The following KCNQ2 variants were observed in gnomAD, a reference collection of about 807,000 sequenced individuals.
KCNQ2 encodes the protein potassium voltage-gated channel subfamily Q member 2, also known as potassium voltage-gated channel subfamily KQT member 2.
Under a neutral mutation model 84.8 loss-of-function variants are expected in KCNQ2, and 14 were observed. That is an observed-to-expected ratio of 0.17 (90% CI 0.11 to 0.26). The LOEUF (loss-of-function observed/expected upper bound fraction) is 0.26, where lower values mean the gene tolerates loss of function less well. Among genes scored for constraint, KCNQ2 ranks in the 10% least tolerant of loss-of-function variants. The probability of loss-of-function intolerance (pLI) is 1.00; values close to 1 mark genes in which losing one functional copy is unlikely to be tolerated. For missense variants in KCNQ2, 788 were observed against 1,254.0 expected (o/e 0.63, Z 5.61); for synonymous variants, 599 against 554.1 (o/e 1.08, Z -1.14).
intron 15 of KCNQ2, chr20:63,412,101 G>A (rs979444313): frequency 2.1e-5 from 11 of 525,410 alleles, no homozygotes; most frequent in East Asian, 1.4e-4. Flanking sequence ...AGCGGGTGGC[G>A]GGCGGCCCCA....
chr20:63,408,481 C>T lies in KCNQ2; in HGVS notation c.1819G>A (p.Gly607Ser). 6.2e-7 allele frequency: 1 copy of T among 1,608,242 alleles called. No individual in the cohort carries two copies. Among genetic ancestry groups the T allele is most frequent in the Non-Finnish European group, 8.5e-7 (1 of 1,178,270 alleles). ...TCGGGCAGCTCCGCCTCGGCCGGGC[C>T]CTTGGTGCGGTCCTTGTCCGTGATC... is the stretch of plus-strand genomic sequence containing the variant. Reference protein sequence around the residue: ...PAITDKDRTKGPAEAELPEDP... With the variant: ...PAITDKDRTKSPAEAELPEDP... Residue 607 changes from glycine (G) to serine (S), a missense_variant, in exon 16 of 17, where the codon GGC (glycine) becomes AGC (serine). Gly to Ser is a moderately conservative substitution (Grantham distance 56, BLOSUM62 0). Coordinates refer to ENST00000359125, the MANE Select transcript of KCNQ2 (RefSeq NM_172107.4). This position sits in a 1 kb window ranked among gnomAD's most constrained non-coding sequence, Gnocchi z 5.0.
intron 1 of KCNQ2, among the ~76,000 whole-genome samples, chr20:63,470,051 C>T (rs1030507429): frequency 6.6e-6 from 1 of 152,252 alleles, no homozygotes; most frequent in Non-Finnish European, 1.5e-5. Flanking sequence ...GCTGTGCCGA[C>T]GTTACCGACG....
At chr20:63,469,136 G>A (rs2082149319) in intron 1 of KCNQ2, among the ~76,000 whole-genome samples, 1 of 152,210 alleles carries the variant, frequency 6.6e-6, no homozygotes, top group Non-Finnish European at 1.5e-5. Flanking sequence ...GAGAGAGGCT[G>A]GAGCCCGGGA....
At chr20:63,440,044 TG>T (rs997339265) in intron 5 of KCNQ2, among the ~76,000 whole-genome samples, 2 of 152,078 alleles carry the variant, frequency 1.3e-5, no homozygotes, top group Admixed American at 6.5e-5. Context: ...AGAGTGCAGC[TG>T]GGGAGAAGGG....
intron 11 of KCNQ2, 105 bp downstream of exon 11, chr20:63,424,072 A>G: frequency 1.5e-6 from 2 of 1,303,940 alleles, no homozygotes; most frequent in Non-Finnish European, 2.2e-6. Context: ...ACGGAAGCAC[A>G]CACAAGGCCC....
In KCNQ2 at chr20:63,419,885, GT is replaced by G. The variant is rs139786707; in HGVS notation, c.1248-214del. Among the ~76,000 whole-genome samples, 6 of 150,130 alleles carry G rather than the reference GT, an allele frequency of 4.0e-5. No individual in the cohort carries two copies. In the South Asian group the frequency reaches 6.3e-4, roughly 16 times the overall value. On this transcript the variant is annotated intron_variant, in intron 11 of 16. Transcript: ENST00000359125. ...CTATTTCTGAAGGAAAAAAATCCCTGTTTTTTTTTTCCTCCAAAAATACCTT... is the reference window on the plus strand; with the variant it reads ...CTATTTCTGAAGGAAAAAAATCCCTGTTTTTTTTTCCTCCAAAAATACCTT...
chr20:63,406,768 G>A lies in KCNQ2; in HGVS notation c.2495C>T (p.Pro832Leu), dbSNP rs1337261092. Residue 832 changes from proline to leucine, a missense_variant, in exon 17 of 17, where the codon CCC becomes CTC. Physicochemically the swap from Pro to Leu is moderately conservative, Grantham distance 98. Coordinates refer to ENST00000359125, the MANE Select transcript of KCNQ2 (RefSeq NM_172107.4). ...AAVAPCAKVR[P>L]YIAEGESDTD... ...GTCTGACTCTCCCTCCGCAATGTAG[G>A]GCCTGACTTTGGCACAAGGCGCCAC... is the stretch of plus-strand genomic sequence containing the variant. 3.1e-6 allele frequency: 5 copies of A among 1,612,512 alleles called. No individual in the cohort carries two copies. The highest frequency in any genetic ancestry group is 2.2e-5 in the East Asian group (1 of 44,868).
rs1423099274 is a variant in KCNQ2, at chr20:63,438,858, C to CA, written c.928-139dup. On this transcript the variant is annotated intron_variant, in intron 6 of 16. Transcript: ENST00000359125. The surrounding 1 kb of genome is among the most constrained non-coding windows in gnomAD (Gnocchi z 5.1). ...ACACTCCAGAGACTCACACACCCCC[C>CA]AATTCATCAGGGTCAGACCACGCCC... 1 of 693,308 alleles carries CA rather than the reference C, an allele frequency of 1.4e-6. No individual in the cohort carries two copies. Among genetic ancestry groups the CA allele is most frequent in the African/African-American group, 1.8e-5 (1 of 56,376 alleles). The allele number at this position is 693,308 out of a possible 1,614,324, so 42.9% of individuals were successfully genotyped here. A position where few individuals can be genotyped will look rare whatever the true frequency, so the allele number is the denominator to read the frequency against.
intron 9 of KCNQ2, 132 bp downstream of exon 9, chr20:63,431,208 C>G (rs560617387): frequency 4.7e-6 from 5 of 1,054,806 alleles, no homozygotes; most frequent in Non-Finnish European, 7.4e-6. Context: ...TAGGGATGCT[C>G]GGTGGGCAGG....
chr20:63,440,169 G>A (rs1299556645), intron 5 of KCNQ2, among the ~76,000 whole-genome samples: 2 of 152,176 alleles, frequency 1.3e-5, no homozygotes, highest in African/African-American at 4.8e-5. Context: ...ACAAGAGGCG[G>A]GGGAGTGGTC....
chr20:63,430,847 T>C (rs1600721165), intron 9 of KCNQ2, among the ~76,000 whole-genome samples: 1 of 152,120 alleles, frequency 6.6e-6, no homozygotes, highest in Admixed American at 6.5e-5. Context: ...TGAGCCACGG[T>C]GGGACAAGGA....
In KCNQ2 at chr20:63,404,559, G is replaced by A. The variant is rs1414662347; in HGVS notation, c.*2085C>T. ...CTGGGGACACGGGGAGCGGTGGCCG[G>A]GGCTGGTGCTGCGTTGGGTGGGACG... On this transcript the variant is annotated 3_prime_UTR_variant, in exon 17 of 17. Transcript: ENST00000359125. 1 of 152,444 alleles carries A rather than the reference G, an allele frequency of 6.6e-6. No homozygotes were observed. The highest frequency in any genetic ancestry group is 1.5e-5 in the Non-Finnish European group (1 of 68,228). 9.4% of individuals were successfully genotyped at this position (152,444 alleles called of 1,614,324 possible).
chr20:63,471,654 T>TGGGAGGGCCCCTCCCC (rs1412466562), intron 1 of KCNQ2: 1 of 152,734 alleles, frequency 6.5e-6, no homozygotes, highest in Non-Finnish European at 1.5e-5. Flanking sequence ...GGGGGGGTCA[T>TGGGAGGGCCCCTCCCC]GGGAGGGCCC....
At chr20:63,467,104 G>A (rs2082101398) in intron 1 of KCNQ2, among the ~76,000 whole-genome samples, 1 of 152,192 alleles carries the variant, frequency 6.6e-6, no homozygotes, top group Admixed American at 6.5e-5. Context: ...CCTTTAACAG[G>A]ACACGGCCTG....
In KCNQ2 at chr20:63,414,468, C is replaced by T. The variant is rs1253823929; in HGVS notation, c.1526-275G>A. ...ATGGATGAACAGAACATGGCGCATC[C>T]ACGCACAGATGTTAACGGCGGAAGG... On this transcript the variant is annotated intron_variant, in intron 13 of 16. Coordinates refer to ENST00000359125, the MANE Select transcript of KCNQ2 (RefSeq NM_172107.4). The surrounding 1 kb of genome is among the most constrained non-coding windows in gnomAD (Gnocchi z 6.6). Among the ~76,000 whole-genome samples, 1 of 152,140 alleles carries T rather than the reference C, an allele frequency of 6.6e-6. No homozygotes were observed. The highest frequency in any genetic ancestry group is 1.5e-5 in the Non-Finnish European group (1 of 68,038).
In KCNQ2 at chr20:63,439,652, C is replaced by T; in HGVS notation, c.873G>A (p.Arg291=). ...GDKYPQTWNG[R]LLAATFTLIG... is the part of the protein sequence containing the mutation. ...TGAGGGTGAAGGTTGCCGCAAGGAG[C>T]CTGCCGTTCCAGGTCTGGGGGTACT... The change falls in exon 6 of 17, where the codon AGG becomes AGA. Residue 291 remains arginine, a synonymous_variant. Coordinates refer to ENST00000359125, the MANE Select transcript of KCNQ2 (RefSeq NM_172107.4). 5 of 1,613,848 alleles carry T rather than the reference C, an allele frequency of 3.1e-6. No homozygotes were observed. Among genetic ancestry groups the T allele is most frequent in the Non-Finnish European group, 4.2e-6 (5 of 1,180,022 alleles).
chr20:63,430,656 G>A (rs371215531), intron 9 of KCNQ2, among the ~76,000 whole-genome samples: 5 of 152,216 alleles, frequency 3.3e-5, no homozygotes, highest in African/African-American at 7.2e-5. Flanking sequence ...GCAGCTCAGC[G>A]CTCTCCAGTC....
At chr20:63,435,339 G>C (rs2080959984) in intron 7 of KCNQ2, among the ~76,000 whole-genome samples, 1 of 146,194 alleles carries the variant, frequency 6.8e-6, no homozygotes, top group Non-Finnish European at 1.5e-5. Context: ...AGTGAGCCAA[G>C]ATCACACAAC....
At chr20:63,453,982 A>C (rs1191354871) in intron 1 of KCNQ2, among the ~76,000 whole-genome samples, 1 of 152,072 alleles carries the variant, frequency 6.6e-6, no homozygotes, top group Non-Finnish European at 1.5e-5. Flanking sequence ...AACTAAAAAA[A>C]ACGAGGCCCA....
Sources: allele counts gnomAD v4.1 joint callset (sites outside exome capture counted in the v4.1 genomes callset), GRCh38; gene constraint gnomAD v4.1.1; non-coding constraint Gnocchi (gnomAD v3.1); transcripts MANE v1.5; gene names NCBI Gene and HGNC (gene_info 2026-07-23, HGNC 2026-07-21).